PSD3: variants seen among roughly 807,000 people sequenced by gnomAD.
The protein encoded by PSD3 is PH and SEC7 domain-containing protein 3.
Under a neutral mutation model 105.5 loss-of-function variants are expected in PSD3, and 49 were observed. That is an observed-to-expected ratio of 0.46 (90% CI 0.37 to 0.59). The LOEUF (loss-of-function observed/expected upper bound fraction) is 0.59. PSD3 is among the 20% of genes least tolerant of loss of function. PSD3 has a pLI of 0.00. For missense variants in PSD3, 1,561 were observed against 1,263.8 expected (o/e 1.24, Z -3.57); for synonymous variants, 557 against 457.8 (o/e 1.22, Z -2.77).
intron 11 of PSD3, among the ~76,000 whole-genome samples, chr8:18,604,263 C>T (rs1007954808): frequency 1.3e-5 from 2 of 152,198 alleles, no homozygotes; most frequent in African/African-American, 4.8e-5. Context: ...TTACTGGGAA[C>T]TGGAGTACAA....
chr8:18,889,750 G>GT (rs1818666367), intron 2 of PSD3, among the ~76,000 whole-genome samples: 1 of 152,138 alleles, frequency 6.6e-6, no homozygotes, highest in Non-Finnish European at 1.5e-5. Context: ...TCATTTCCAT[G>GT]TCTGGATGTC....
chr8:18,612,832 G>A (rs897667865), intron 11 of PSD3, among the ~76,000 whole-genome samples: 1 of 152,166 alleles, frequency 6.6e-6, no homozygotes, highest in Non-Finnish European at 1.5e-5. Context: ...AACAATAAAA[G>A]TAGACAATAG....
intron 2 of PSD3, among the ~76,000 whole-genome samples, chr8:18,922,830 G>A (rs537814287): frequency 1.3e-5 from 2 of 152,236 alleles, no homozygotes; most frequent in Admixed American, 6.5e-5. Flanking sequence ...TGTTACAAAG[G>A]ATACAGATAA....
At chr8:18,907,082 G>C (rs578223181) in intron 2 of PSD3, among the ~76,000 whole-genome samples, 1 of 152,238 alleles carries the variant, frequency 6.6e-6, no homozygotes, top group East Asian at 1.9e-4. Flanking sequence ...TAGTCCAAAG[G>C]TTTTAAAAAG....
intron 8 of PSD3, among the ~76,000 whole-genome samples, chr8:18,791,326 C>G (rs1809699255): frequency 6.6e-6 from 1 of 152,060 alleles, no homozygotes; most frequent in Non-Finnish European, 1.5e-5. Flanking sequence ...TGACTTCAAA[C>G]TGTACTACAG....
intron 11 of PSD3, among the ~76,000 whole-genome samples, chr8:18,612,554 G>C (rs1046584122): frequency 4.6e-5 from 7 of 152,028 alleles, no homozygotes; most frequent in Non-Finnish European, 8.8e-5. Context: ...TTGTATTTTA[G>C]TAGAGATGGG....
At chr8:18,807,458 G>T (rs919577554) in intron 4 of PSD3, among the ~76,000 whole-genome samples, 1 of 152,210 alleles carries the variant, frequency 6.6e-6, no homozygotes, top group Non-Finnish European at 1.5e-5. Flanking sequence ...ACTCAACTGT[G>T]TAAAAATGTC....
At chr8:18,913,083 ACAAAC>A (rs1820348358) in intron 2 of PSD3, among the ~76,000 whole-genome samples, 5 of 123,934 alleles carry the variant, frequency 4.0e-5, no homozygotes, top group African/African-American at 1.3e-4. Flanking sequence ...ACACACACAC[ACAAAC>A]ACACACACAC....
At chr8:18,642,847 T>C (rs541499785) in intron 10 of PSD3, among the ~76,000 whole-genome samples, 12 of 152,192 alleles carry the variant, frequency 7.9e-5, no homozygotes, top group Non-Finnish European at 1.6e-4. Flanking sequence ...TGTCATTTTT[T>C]AAAAAAATTT....
chr8:18,822,393 AC>A (rs1276335346), intron 4 of PSD3, among the ~76,000 whole-genome samples: 9 of 152,206 alleles, frequency 5.9e-5, no homozygotes, highest in Non-Finnish European at 1.0e-4. Context: ...TAGTAGTAGT[AC>A]AGTCCATCCC....
intron 1 of PSD3, among the ~76,000 whole-genome samples, chr8:19,061,296 T>C (rs550899977): frequency 6.6e-6 from 1 of 152,088 alleles, no homozygotes; most frequent in Admixed American, 6.5e-5. Flanking sequence ...TCCTTATAAT[T>C]AGAGAATAAA....
At chr8:18,619,750 G>A (rs1328047468) in intron 11 of PSD3, among the ~76,000 whole-genome samples, 2 of 152,020 alleles carry the variant, frequency 1.3e-5, no homozygotes, top group East Asian at 1.9e-4. Context: ...CTGGTATAAC[G>A]TGGCTTACTC....
chr8:18,960,809 G>T (rs974803999), intron 1 of PSD3, among the ~76,000 whole-genome samples: 1 of 152,050 alleles, frequency 6.6e-6, no homozygotes, highest in African/African-American at 2.4e-5. Flanking sequence ...AGACAGGCTG[G>T]GCACAGTGGC....
intron 8 of PSD3, among the ~76,000 whole-genome samples, chr8:18,771,164 G>C (rs554884354): frequency 6.6e-6 from 1 of 152,284 alleles, no homozygotes; most frequent in South Asian, 2.1e-4. Flanking sequence ...GCACAGGAAT[G>C]GGGGGCAGAG....
chr8:19,004,992 G>T (rs1490028433), intron 1 of PSD3, among the ~76,000 whole-genome samples: 1 of 151,958 alleles, frequency 6.6e-6, no homozygotes, highest in Non-Finnish European at 1.5e-5. Flanking sequence ...AAATTGCCCA[G>T]TCTCAGGAAC....
rs1340577074 is a variant in PSD3 at position 18,872,617 on chromosome 8, C to A, written c.247G>T (p.Ala83Ser). Reference sequence around the variant, plus strand: ...TGCTCTTGTGGGTGGCATGGCAGAGCCTCACCATCAAATTCCAGAGAAGCC... The same window carrying A: ...TGCTCTTGTGGGTGGCATGGCAGAGACTCACCATCAAATTCCAGAGAAGCC... ...LRASLEFDGE[A>S]LPCHPQEQQG... The change falls in exon 3 of 16, where the codon GCT becomes TCT. Residue 83 changes from alanine (A) to serine (S), a missense_variant. Physicochemically the swap from Ala to Ser is moderately conservative, Grantham distance 99 (BLOSUM62 1). Coordinates refer to ENST00000327040, the MANE Select transcript of PSD3 (RefSeq NM_015310.4). The A allele has an allele frequency of 1.9e-6, 3 of 1,614,056 alleles. No individual in the cohort carries two copies. The highest frequency in any genetic ancestry group is 4.5e-5 in the East Asian group (2 of 44,880).
At chr8:18,785,535 C>T (rs111436879) in intron 8 of PSD3, among the ~76,000 whole-genome samples, 4,220 of 152,210 alleles carry the variant, frequency 0.028, 195 homozygotes, top group African/African-American at 0.095. Context: ...TCTACACCAC[C>T]AAAACTTGCT....
intron 4 of PSD3, among the ~76,000 whole-genome samples, chr8:18,859,214 C>T (rs1221543247): frequency 7.0e-6 from 1 of 143,448 alleles, no homozygotes; most frequent in Non-Finnish European, 1.5e-5. Context: ...GTAGTATTTT[C>T]AAAGAAATCC....
At chr8:18,587,318 A>C (rs1803266607) in intron 12 of PSD3, among the ~76,000 whole-genome samples, 1 of 152,188 alleles carries the variant, frequency 6.6e-6, no homozygotes, top group Admixed American at 6.5e-5. Flanking sequence ...AAAGAGCTTG[A>C]AATTCCTTGA....
Sources: allele counts gnomAD v4.1 joint callset (sites outside exome capture counted in the v4.1 genomes callset), GRCh38; gene constraint gnomAD v4.1.1; transcripts MANE v1.5; gene names NCBI Gene and HGNC (gene_info 2026-07-23, HGNC 2026-07-21).